The following RNF128 variants were observed in gnomAD, a reference collection of about 807,000 sequenced individuals.
RNF128 encodes the protein ring finger protein 128, also known as E3 ubiquitin-protein ligase RNF128.
Under a neutral mutation model 26.2 loss-of-function variants are expected in RNF128, and 13 were observed. The ratio of observed to expected loss-of-function variants is 0.50; its 90% CI spans 0.32 to 0.79. The LOEUF (loss-of-function observed/expected upper bound fraction) is 0.79, where lower values mean the gene tolerates loss of function less well. RNF128 is among the 30% of genes least tolerant of loss of function. The pLI, the probability that RNF128 is intolerant of heterozygous loss-of-function variation, is 0.03. For synonymous variants in RNF128, 149 were observed against 142.5 expected, an observed-to-expected ratio of 1.05 and a Z score of -0.32; for missense variants, 315 against 349.7, an observed-to-expected ratio of 0.90 and a Z score of 0.79.
At chrX:106,779,272 A>G (rs1394051769) in intron 2 of RNF128, among the ~76,000 whole-genome samples, 3 of 110,800 alleles carry the variant, frequency 2.7e-5, no homozygotes, top group African/African-American at 9.9e-5. Context: ...TTCAAGGTGT[A>G]CAACATTATG....
intron 6 of RNF128, among the ~76,000 whole-genome samples, chrX:106,791,586 A>G (rs1404257667): frequency 9.0e-6 from 1 of 111,279 alleles, no homozygotes. Context: ...AGAAATTAAA[A>G]TAAAGGAGTT....
At chrX:106,789,811 T>G (rs1427094167) in intron 4 of RNF128, among the ~76,000 whole-genome samples, 1 of 109,316 alleles carries the variant, frequency 9.1e-6, no homozygotes, top group Non-Finnish European at 1.9e-5. Flanking sequence ...CAGTACAGTG[T>G]TGTTGTACTC....
At chrX:106,713,657 C>T (rs1485582151) in intron 1 of RNF128, among the ~76,000 whole-genome samples, 1 of 111,985 alleles carries the variant, frequency 8.9e-6, no homozygotes, top group African/African-American at 3.2e-5. Context: ...ATAGTTAATG[C>T]AACTGAAAAA....
chrX:106,768,124 T>G (rs1930287671), intron 1 of RNF128, among the ~76,000 whole-genome samples: 1 of 111,992 alleles, frequency 8.9e-6, no homozygotes, highest in South Asian at 3.7e-4. Flanking sequence ...TGCCAGTATC[T>G]TATTGAGGAT....
At chrX:106,730,653 A>G (rs1204254352) in intron 1 of RNF128, among the ~76,000 whole-genome samples, 1 of 111,962 alleles carries the variant, frequency 8.9e-6, no homozygotes, top group African/African-American at 3.2e-5. Context: ...AGAGATATGT[A>G]TACTTGCTTG....
chrX:106,717,891 G>A (rs1481398438), intron 1 of RNF128, among the ~76,000 whole-genome samples: 2 of 112,001 alleles, frequency 1.8e-5, no homozygotes, highest in Non-Finnish European at 3.8e-5. Flanking sequence ...TGCAATGAGT[G>A]ACAAGGGTAA....
chrX:106,792,434 A>C (rs1283167917), intron 6 of RNF128, among the ~76,000 whole-genome samples: 1 of 110,927 alleles, frequency 9.0e-6, no homozygotes, highest in Non-Finnish European at 1.9e-5. Flanking sequence ...AAATGAAATA[A>C]TGATCCATGT....
At chrX:106,702,747 GC>G (rs986438637) in intron 1 of RNF128, among the ~76,000 whole-genome samples, 1 of 111,903 alleles carries the variant, frequency 8.9e-6, no homozygotes, top group Non-Finnish European at 1.9e-5. Context: ...GAAACAACAT[GC>G]CTTAAAAGAA....
At chrX:106,780,735 A>G (rs1400262549) in intron 2 of RNF128, among the ~76,000 whole-genome samples, 1 of 112,130 alleles carries the variant, frequency 8.9e-6, no homozygotes. Context: ...CTTCTTTGCC[A>G]TTACACAATG....
At chrX:106,695,882 CA>C (rs1269813995) in intron 1 of RNF128, among the ~76,000 whole-genome samples, 1 of 111,396 alleles carries the variant, frequency 9.0e-6, no homozygotes, top group African/African-American at 3.3e-5. Flanking sequence ...GTCCTGTTTT[CA>C]AAACTTTCTT....
intron 1 of RNF128, among the ~76,000 whole-genome samples, chrX:106,704,436 A>C (rs1488896222): frequency 9.5e-6 from 1 of 105,187 alleles, no homozygotes; most frequent in East Asian, 2.9e-4. Context: ...TGTCTCAGAA[A>C]AAAAAAAAAA....
rs773357667 is a variant in RNF128, at chrX:106,769,611, C to G, written c.485-3302C>G. Among the ~76,000 whole-genome samples, 49 of 93,400 alleles carry G rather than the reference C, an allele frequency of 5.2e-4. 1 individual carries two copies. In the South Asian group the frequency reaches 9.9e-3, roughly 19 times the overall value. 81.1% of individuals were successfully genotyped at this position (93,400 alleles called of 115,157 possible). On this transcript the variant is annotated intron_variant, in intron 1 of 6. Coordinates refer to ENST00000255499, the MANE Select transcript of RNF128 (RefSeq NM_194463.2). ...TCTTCCTCCATCCCTTTATTTTGAGCCTATGTGTGTCTCTGCATGTGAGAT... is the reference window on the plus strand; with the variant it reads ...TCTTCCTCCATCCCTTTATTTTGAGGCTATGTGTGTCTCTGCATGTGAGAT...
rs1254190075 is a variant in RNF128 at position 106,772,906 on chromosome X, T to C, written c.485-7T>C. On this transcript the variant is annotated splice_polypyrimidine_tract_variant and splice_region_variant and intron_variant, in intron 1 of 6. Coordinates refer to ENST00000255499, the MANE Select transcript of RNF128 (RefSeq NM_194463.2). The stretch of plus-strand genomic sequence containing the variant: ...CAAACTAAAACTGAATTTGTTTTAT[T>C]TTACAGGTGCAGTAGACATTGTTGC... The C allele has an allele frequency of 4.7e-5, 56 of 1,192,341 alleles. No homozygotes were observed. Among genetic ancestry groups the C allele is most frequent in the Non-Finnish European group, 6.1e-5 (54 of 887,173 alleles).
chrX:106,769,546 G>GTTTT (rs752900867), intron 1 of RNF128, among the ~76,000 whole-genome samples: 7 of 65,104 alleles, frequency 1.1e-4, no homozygotes, highest in East Asian at 5.7e-4. Flanking sequence ...CACCTGCTTT[G>GTTTT]TTTTTTTTTT....
chrX:106,791,371 C>T (rs773264536), intron 6 of RNF128, 137 bp downstream of exon 6: 20 of 479,759 alleles, frequency 4.2e-5, no homozygotes, highest in African/African-American at 3.9e-4. Context: ...AAAATAATGC[C>T]GTGAAGGATG....
intron 1 of RNF128, among the ~76,000 whole-genome samples, chrX:106,767,410 T>C (rs1930272258): frequency 1.8e-5 from 2 of 111,943 alleles, no homozygotes; most frequent in South Asian, 7.5e-4. Flanking sequence ...TTTGTAGTTC[T>C]CCTTGAGGAG....
intron 1 of RNF128, among the ~76,000 whole-genome samples, chrX:106,771,047 A>C: frequency 8.9e-6 from 1 of 112,228 alleles, no homozygotes; most frequent in Middle Eastern, 4.6e-3. Flanking sequence ...CCTGGGTATC[A>C]CCAGCGGAGG....
chrX:106,767,332 C>G (rs1446706048), intron 1 of RNF128, among the ~76,000 whole-genome samples: 1 of 111,959 alleles, frequency 8.9e-6, no homozygotes, highest in East Asian at 2.8e-4. Context: ...AATATTGATT[C>G]TTCCTATCCA....
At chrX:106,762,990 A>G (rs1930145591) in intron 1 of RNF128, among the ~76,000 whole-genome samples, 2 of 109,142 alleles carry the variant, frequency 1.8e-5, no homozygotes, top group African/African-American at 6.7e-5. Flanking sequence ...ACATACCAAC[A>G]CATGTGCAAG....
Sources: gnomAD v4.1 joint callset for allele counts (sites outside exome capture counted in the v4.1 genomes callset) on GRCh38, gnomAD v4.1.1 for gene constraint, MANE v1.5 for transcripts, NCBI Gene and HGNC (gene_info 2026-07-23, HGNC 2026-07-21) for gene names.